SSBP3: variants seen among roughly 807,000 people sequenced by gnomAD.
The protein encoded by SSBP3 is single-stranded DNA-binding protein 3.
A neutral mutation model predicts 69.6 loss-of-function variants in SSBP3; 5 were observed. The ratio of observed to expected loss-of-function variants is 0.07; its 90% confidence interval spans 0.04 to 0.15. The LOEUF is 0.15. Among genes scored for constraint, SSBP3 ranks in the 10% least tolerant of loss-of-function variants. The pLI is 1.00. For missense variants in SSBP3, 312 were observed against 534.0 expected, an observed-to-expected ratio of 0.58 and a Z score of 4.10; for synonymous variants, 196 against 193.4, an observed-to-expected ratio of 1.01 and a Z score of -0.11.
chr1:54,407,833 A>G (rs1285728485), upstream of SSBP3, among the ~76,000 whole-genome samples: 1 of 149,772 alleles, frequency 6.7e-6, no homozygotes, highest in Non-Finnish European at 1.5e-5. Context: ...GCCTCGCACC[A>G]AACAATTAAA....
At chr1:54,364,229 AAG>A (rs991882198) in intron 4 of SSBP3, among the ~76,000 whole-genome samples, 53 of 152,330 alleles carry the variant, frequency 3.5e-4, no homozygotes, top group African/African-American at 1.3e-3. Context: ...GAGTAGTTGC[AAG>A]AGAGACTGCA....
chr1:54,294,877 T>TGA (rs1238198082), intron 4 of SSBP3, among the ~76,000 whole-genome samples: 2 of 152,130 alleles, frequency 1.3e-5, no homozygotes, highest in African/African-American at 4.8e-5. Context: ...GGACAAAAGC[T>TGA]GAGAACAGCA....
intron 5 of SSBP3, among the ~76,000 whole-genome samples, chr1:54,274,686 C>T (rs1408989353): frequency 6.6e-6 from 1 of 152,172 alleles, no homozygotes; most frequent in African/African-American, 2.4e-5. Context: ...CAGAGGGGAC[C>T]GCAGCTGGAC....
At chr1:54,407,010 G>C (rs1214117016), upstream of SSBP3, among the ~76,000 whole-genome samples, 2 of 152,096 alleles carry the variant, frequency 1.3e-5, no homozygotes, top group Non-Finnish European at 2.9e-5. Context: ...CCGAGCGCCG[G>C]GCCCGGGGCT....
chr1:54,244,664 G>A (rs942630041), intron 9 of SSBP3, among the ~76,000 whole-genome samples: 3 of 152,192 alleles, frequency 2.0e-5, no homozygotes, highest in African/African-American at 4.8e-5. Flanking sequence ...CGTATCACGC[G>A]CATCTCTTCC....
At chr1:54,367,122 C>T (rs1425406542) in intron 4 of SSBP3, among the ~76,000 whole-genome samples, 1 of 152,202 alleles carries the variant, frequency 6.6e-6, no homozygotes, top group African/African-American at 2.4e-5. Context: ...TCCTTTGCTG[C>T]TGGAGTCTGA....
intron 4 of SSBP3, among the ~76,000 whole-genome samples, chr1:54,310,890 C>T (rs71637838): frequency 0.013 from 1,937 of 152,328 alleles, 21 homozygotes; most frequent in South Asian, 0.028. Flanking sequence ...TGGGAGCATG[C>T]AGATTGGCAG....
chr1:54,363,928 G>A (rs1277540017), intron 4 of SSBP3, among the ~76,000 whole-genome samples: 1 of 152,196 alleles, frequency 6.6e-6, no homozygotes, highest in African/African-American at 2.4e-5. Context: ...AGCAACCAGA[G>A]GGGAAACAAA....
At chr1:54,384,657 C>T (rs1647945975) in intron 4 of SSBP3, among the ~76,000 whole-genome samples, 1 of 152,202 alleles carries the variant, frequency 6.6e-6, no homozygotes. Context: ...TGCAAAGGCC[C>T]CAAGGCAGAG....
intron 4 of SSBP3, among the ~76,000 whole-genome samples, chr1:54,308,013 A>G (rs2100246052): frequency 6.6e-6 from 1 of 152,304 alleles, no homozygotes; most frequent in East Asian, 1.9e-4. Context: ...TTCTTGTGCG[A>G]GATCCAAGAA....
chr1:54,406,068 C>CGCCGCCG, exon 1 of SSBP3: 8 of 929,454 alleles, frequency 8.6e-6, no homozygotes, highest in Non-Finnish European at 1.2e-5. Flanking sequence ...CGCTACCGCT[C>CGCCGCCG]CGGCTCTCCC....
At chr1:54,380,038 G>A (rs1647495070) in intron 4 of SSBP3, among the ~76,000 whole-genome samples, 2 of 152,182 alleles carry the variant, frequency 1.3e-5, no homozygotes, top group Admixed American at 6.5e-5. Flanking sequence ...GTACACCCAG[G>A]GGTGAGAGGG....
intron 4 of SSBP3, among the ~76,000 whole-genome samples, chr1:54,366,624 G>A (rs983164673): frequency 6.6e-6 from 1 of 152,120 alleles, no homozygotes; most frequent in Non-Finnish European, 1.5e-5. Flanking sequence ...AGTTATACCT[G>A]GTACCAGGAT....
At chr1:54,328,543 C>T (rs768566688) in intron 4 of SSBP3, among the ~76,000 whole-genome samples, 13 of 152,220 alleles carry the variant, frequency 8.5e-5, no homozygotes, top group African/African-American at 1.2e-4. Context: ...CAGCAGCTCT[C>T]GCTCAGGCTC....
At chr1:54,303,838 G>A (rs1645848010) in intron 4 of SSBP3, among the ~76,000 whole-genome samples, 1 of 152,326 alleles carries the variant, frequency 6.6e-6, no homozygotes. Context: ...GTGCTATTTT[G>A]AATATATTTG....
intron 4 of SSBP3, among the ~76,000 whole-genome samples, chr1:54,354,031 C>G (rs1319834485): frequency 6.6e-6 from 1 of 152,190 alleles, no homozygotes. Context: ...ACTGACCACT[C>G]CCCCGGCTCA....
chr1:54,383,395 A>G (rs1484150135), intron 4 of SSBP3, among the ~76,000 whole-genome samples: 1 of 147,624 alleles, frequency 6.8e-6, no homozygotes, highest in Admixed American at 6.8e-5. Flanking sequence ...AAAAAAAAAA[A>G]GAAAGAAAAA....
At chr1:54,236,461 G>A in intron 14 of SSBP3, 1 of 152,204 alleles carries the variant, frequency 6.6e-6, no homozygotes, top group East Asian at 1.9e-4. Flanking sequence ...CAGAGATGGT[G>A]AGGATGTCTT....
At chr1:54,290,272 C>T (rs557021027) in intron 4 of SSBP3, among the ~76,000 whole-genome samples, 1 of 152,278 alleles carries the variant, frequency 6.6e-6, no homozygotes, top group African/African-American at 2.4e-5. Context: ...GGAAGGGAGC[C>T]CCCTACCCTC....
Sources: allele counts gnomAD v4.1 joint callset (sites outside exome capture counted in the v4.1 genomes callset), GRCh38; gene constraint gnomAD v4.1.1; transcripts MANE v1.5; gene names NCBI Gene and HGNC (gene_info 2026-07-23, HGNC 2026-07-21).